The following PPP1R9A variants were observed in gnomAD, a reference collection of about 807,000 sequenced individuals.
PPP1R9A encodes the protein protein phosphatase 1 regulatory subunit 9A.
PPP1R9A carries 59 observed loss-of-function variants against 141.9 expected under a neutral mutation model. The ratio of observed to expected loss-of-function variants is 0.42; its 90% confidence interval spans 0.34 to 0.52. PPP1R9A has a LOEUF of 0.52. Ranked by LOEUF, PPP1R9A falls within the 20% of genes least tolerant of loss-of-function variation. The probability of loss-of-function intolerance (pLI) is 0.10; values close to 1 mark genes in which losing one functional copy is unlikely to be tolerated. For missense variants in PPP1R9A, 1,444 were observed against 1,611.9 expected, an observed-to-expected ratio of 0.90 and a Z score of 1.78; for synonymous variants, 500 against 569.7, an observed-to-expected ratio of 0.88 and a Z score of 1.74.
intron 2 of PPP1R9A, among the ~76,000 whole-genome samples, chr7:95,051,352 A>G (rs1810776450): frequency 1.3e-5 from 2 of 152,074 alleles, no homozygotes; most frequent in Non-Finnish European, 2.9e-5. Context: ...GTCTTCTTTC[A>G]CCAGTACCTC....
At position 95,111,400 on chromosome 7, in the gene PPP1R9A, G is replaced by A. The variant is rs1225522995; in HGVS notation, c.1528+9G>A. On this transcript the variant is annotated intron_variant, in intron 3 of 19. Transcript: ENST00000433360. ...AGTGGAGCTAGAGAAAGGTTCGTGAGTGCTACAGTGTTAATATCATTATGT... is the reference window on the plus strand; with the variant it reads ...AGTGGAGCTAGAGAAAGGTTCGTGAATGCTACAGTGTTAATATCATTATGT... 6 of 1,610,716 alleles carry A rather than the reference G, an allele frequency of 3.7e-6. No individual in the cohort carries two copies. The Admixed American group carries it at 8.4e-5, about 23-fold the overall frequency.
intron 2 of PPP1R9A, among the ~76,000 whole-genome samples, chr7:95,051,442 G>A (rs1810786953): frequency 6.6e-6 from 1 of 152,068 alleles, no homozygotes; most frequent in Non-Finnish European, 1.5e-5. Flanking sequence ...TTCTCCTTCA[G>A]TATTGTGTTA....
intron 2 of PPP1R9A, among the ~76,000 whole-genome samples, chr7:94,945,080 C>CA (rs1246024099): frequency 2.0e-5 from 3 of 151,918 alleles, no homozygotes; most frequent in Admixed American, 1.3e-4. Context: ...TTTCATGGGC[C>CA]ATGAATATAC....
chr7:95,285,034 G>T (rs1045009140), intron 17 of PPP1R9A, among the ~76,000 whole-genome samples: 2 of 152,146 alleles, frequency 1.3e-5, no homozygotes, highest in African/African-American at 4.8e-5. Context: ...GGTACCAAAT[G>T]GTAATGTTCA....
intron 2 of PPP1R9A, among the ~76,000 whole-genome samples, chr7:94,993,265 T>G (rs1441847453): frequency 1.3e-5 from 2 of 152,152 alleles, no homozygotes; most frequent in Non-Finnish European, 2.9e-5. Flanking sequence ...CATTGATCTA[T>G]TTGTCTTGTG....
intron 2 of PPP1R9A, among the ~76,000 whole-genome samples, chr7:95,082,025 G>A (rs149264364): frequency 9.6e-4 from 146 of 152,238 alleles, no homozygotes; most frequent in African/African-American, 3.4e-3. Context: ...TCATTGAATT[G>A]TCATTGTTTG....
intron 5 of PPP1R9A, among the ~76,000 whole-genome samples, chr7:95,169,784 T>A (rs1244023073): frequency 6.6e-6 from 1 of 151,914 alleles, no homozygotes; most frequent in Non-Finnish European, 1.5e-5. Flanking sequence ...GTACTTTAAT[T>A]GTCCCAGAGG....
intron 7 of PPP1R9A, among the ~76,000 whole-genome samples, chr7:95,220,381 T>A (rs558859898): frequency 6.6e-6 from 1 of 152,248 alleles, no homozygotes; most frequent in Non-Finnish European, 1.5e-5. Flanking sequence ...ATTAAGGCTA[T>A]TTTTGTGATT....
intron 2 of PPP1R9A, among the ~76,000 whole-genome samples, chr7:94,994,880 G>A (rs1244385032): frequency 2.7e-5 from 4 of 150,150 alleles, no homozygotes; most frequent in Non-Finnish European, 5.9e-5. Context: ...GACCAAACGA[G>A]ACTCCGTCTC....
chr7:94,910,082 A>G lies in PPP1R9A; in HGVS notation c.-32A>G. The stretch of plus-strand genomic sequence containing the variant: ...TTTTTGGTTTTTTTCTTTGATCATT[A>G]TGAACATTGGCTTTTCACCCCTGAA... On this transcript the variant is annotated 5_prime_UTR_variant, in exon 2 of 20. An upstream start codon of the reference 5' UTR is lost. Transcript: ENST00000433360. This position sits in a 1 kb window ranked among gnomAD's most constrained non-coding sequence, Gnocchi z 4.5. The G allele has an allele frequency of 6.4e-7, 1 of 1,566,786 alleles. No homozygotes were observed. Among genetic ancestry groups the G allele is most frequent in the Non-Finnish European group, 8.6e-7 (1 of 1,158,772 alleles).
chr7:94,913,199 T>C (rs936751895), intron 2 of PPP1R9A, among the ~76,000 whole-genome samples: 1 of 152,124 alleles, frequency 6.6e-6, no homozygotes, highest in Non-Finnish European at 1.5e-5. Context: ...CAGCCTGTAT[T>C]TGGGTCCTGT....
At chr7:95,271,925 G>C (rs573589404) in intron 14 of PPP1R9A, among the ~76,000 whole-genome samples, 111 of 152,286 alleles carry the variant, frequency 7.3e-4, no homozygotes, top group Non-Finnish European at 1.8e-4. Context: ...GTGCATTAAA[G>C]ATGGATTTAA....
intron 5 of PPP1R9A, among the ~76,000 whole-genome samples, chr7:95,185,026 G>GTT (rs200530617): frequency 6.8e-6 from 1 of 146,118 alleles, no homozygotes; most frequent in Non-Finnish European, 1.5e-5. Flanking sequence ...CTACTTTTAA[G>GTT]TTTTTTTTTT....
At chr7:94,909,403 T>G (rs1449131631) in intron 1 of PPP1R9A, among the ~76,000 whole-genome samples, 1 of 152,230 alleles carries the variant, frequency 6.6e-6, no homozygotes, top group Non-Finnish European at 1.5e-5. Flanking sequence ...AAGTAAAATA[T>G]GCCGCTGTAG....
intron 2 of PPP1R9A, 51 bp from the exon 3 acceptor site, chr7:95,111,208 G>T: frequency 6.8e-7 from 1 of 1,463,048 alleles, no homozygotes; most frequent in South Asian, 1.3e-5. Context: ...TGGATACCTG[G>T]CAGGTTTTTT....
intron 2 of PPP1R9A, among the ~76,000 whole-genome samples, chr7:95,067,326 G>C (rs1042140758): frequency 6.6e-6 from 1 of 152,170 alleles, no homozygotes; most frequent in African/African-American, 2.4e-5. Context: ...AGTGCCTAGA[G>C]AGTTTATAGT....
intron 2 of PPP1R9A, among the ~76,000 whole-genome samples, chr7:95,012,006 A>G (rs1003346700): frequency 6.6e-6 from 1 of 152,212 alleles, no homozygotes; most frequent in African/African-American, 2.4e-5. Flanking sequence ...CATGTTTTAT[A>G]TGAGCCAACA....
chr7:94,945,587 A>G (rs1019198353), intron 2 of PPP1R9A, among the ~76,000 whole-genome samples: 5 of 152,116 alleles, frequency 3.3e-5, no homozygotes, highest in Non-Finnish European at 7.4e-5. Flanking sequence ...TTAGTCACAG[A>G]CAAAAGATAA....
chr7:95,285,740 C>G (rs1805185495), intron 17 of PPP1R9A, among the ~76,000 whole-genome samples: 1 of 152,204 alleles, frequency 6.6e-6, no homozygotes, highest in African/African-American at 2.4e-5. Context: ...TGCCATTTCT[C>G]ATAGTATTTA....
Sources: gnomAD v4.1 joint callset for allele counts (sites outside exome capture counted in the v4.1 genomes callset) on GRCh38, gnomAD v4.1.1 for gene constraint, Gnocchi (gnomAD v3.1) non-coding constraint, MANE v1.5 for transcripts, NCBI Gene and HGNC (gene_info 2026-07-23, HGNC 2026-07-21) for gene names.